RCN3: variants seen among roughly 807,000 people sequenced by gnomAD.
RCN3 encodes reticulocalbin-3.
Under a neutral mutation model 35.9 loss-of-function variants are expected in RCN3, and 41 were observed. That is an observed-to-expected ratio of 1.14 (90% CI 0.89 to 1.48). The LOEUF is 1.48. Ranked by LOEUF, RCN3 falls within the 40% of genes most tolerant of loss-of-function variation. The pLI, the probability that RCN3 is intolerant of heterozygous loss-of-function variation, is 0.00. For missense variants in RCN3, 451 were observed against 471.3 expected (o/e 0.96, Z 0.40); for synonymous variants, 187 against 193.4 (o/e 0.97, Z 0.27).
rs1195300744 is a variant in RCN3, at chr19:49,543,423, T to A, written c.*210T>A. 20 of 592,160 alleles carry A rather than the reference T, an allele frequency of 3.4e-5. No homozygotes were observed. The highest frequency in any genetic ancestry group is 9.0e-4 in the Middle Eastern group (2 of 2,214). The allele number at this position is 592,160 out of a possible 1,614,324, so 36.7% of individuals were successfully genotyped here. A position where few individuals can be genotyped will look rare whatever the true frequency, so the allele number is the denominator to read the frequency against. On this transcript the variant is annotated 3_prime_UTR_variant, in exon 7 of 7. Transcript: ENST00000270645. ...GAGGGGCTGTCATAGTCCCAGAGGA[T>A]AAGCAATACCTATTTCTGACTGAGT... is the stretch of plus-strand genomic sequence containing the variant.
In RCN3 at chr19:49,536,452, C is replaced by G. The variant is rs549364780; in HGVS notation, c.446-581C>G. On this transcript the variant is annotated intron_variant, in intron 3 of 6. Transcript: ENST00000270645. ...AGTAGCTAGGACTACAGGCGCCCAC[C>G]ACCATGCCAGGCAAATTTTTGTATT... 4.6e-5 allele frequency among the ~76,000 whole-genome samples: 7 copies of G among 151,284 alleles called. No individual in the cohort carries two copies. The South Asian group carries it at 1.0e-3, about 23-fold the overall frequency.
chr19:49,536,502 T>C (rs922167222), intron 3 of RCN3, among the ~76,000 whole-genome samples: 3 of 150,858 alleles, frequency 2.0e-5, no homozygotes, highest in Admixed American at 1.3e-4. Context: ...AGTTTCACCA[T>C]GTTGACCAGG....
intron 5 of RCN3, among the ~76,000 whole-genome samples, 187 bp downstream of exon 5, chr19:49,539,366 G>C (rs1014718789): frequency 6.6e-6 from 1 of 152,108 alleles, no homozygotes; most frequent in Admixed American, 6.6e-5. Context: ...CTCTATACCA[G>C]ACACAAAAAG....
chr19:49,537,105 G>A lies in RCN3; in HGVS notation c.518G>A (p.Arg173Gln), dbSNP rs759203235. 10 of 1,597,940 alleles carry A rather than the reference G, an allele frequency of 6.3e-6. No individual in the cohort carries two copies. The East Asian group carries it at 6.9e-5, about 11-fold the overall frequency. ...CTGGCTCGGGACGAGCGGCGTTTCC[G>A]GGTGGCCGACCAGGATGGGGACTCG... ...KMLARDERRF[R>Q]VADQDGDSMA... The change falls in exon 4 of 7, where the codon CGG (arginine) becomes CAG (glutamine). Residue 173 changes from arginine to glutamine, a missense_variant. Transcript: ENST00000270645.
At chr19:49,540,838 G>A (rs1489053547) in intron 5 of RCN3, among the ~76,000 whole-genome samples, 1 of 151,858 alleles carries the variant, frequency 6.6e-6, no homozygotes, top group African/African-American at 2.4e-5. Flanking sequence ...CCTGGATAGA[G>A]CCCAGAGATG....
At chr19:49,533,606 C>T (rs1182735211) in intron 2 of RCN3, among the ~76,000 whole-genome samples, 1 of 151,754 alleles carries the variant, frequency 6.6e-6, no homozygotes, top group African/African-American at 2.4e-5. Context: ...CAGGCAGTGC[C>T]TGATTCAGCC....
chr19:49,534,023 T>G (rs2080121757), intron 2 of RCN3, among the ~76,000 whole-genome samples, 170 bp from the exon 3 acceptor site: 1 of 152,066 alleles, frequency 6.6e-6, no homozygotes, highest in Non-Finnish European at 1.5e-5. Flanking sequence ...GGTAGGGTCC[T>G]CCGGTGGGCT....
chr19:49,531,553 G>A (rs1196439775), intron 2 of RCN3, among the ~76,000 whole-genome samples: 1 of 152,190 alleles, frequency 6.6e-6, no homozygotes, highest in Non-Finnish European at 1.5e-5. Context: ...GGAACAGACT[G>A]TAGGGAGCAA....
intron 5 of RCN3, 72 bp downstream of exon 5, chr19:49,539,251 C>T (rs767046977): frequency 9.9e-5 from 122 of 1,234,478 alleles, no homozygotes; most frequent in East Asian, 8.7e-4. Flanking sequence ...TGGGGGTAGC[C>T]GGAGGTACAT....
Position 49,543,503 on chromosome 19 carries a change from C to A in RCN3, c.*290C>A. ...CCCAAGCTCAGCTCTAAGAACCGCC[C>A]CAACCCCTCCAGCTCCAAATCTGAG... On this transcript the variant is annotated 3_prime_UTR_variant, in exon 7 of 7. Coordinates refer to ENST00000270645, the MANE Select transcript of RCN3 (RefSeq NM_020650.3). 2.5e-6 allele frequency: 1 copy of A among 400,518 alleles called. No homozygotes were observed. The highest frequency in any genetic ancestry group is 4.5e-6 in the Non-Finnish European group (1 of 221,604). The allele number at this position is 400,518 out of a possible 1,614,324, so 24.8% of individuals were successfully genotyped here. A position where few individuals can be genotyped will look rare whatever the true frequency, so the allele number is the denominator to read the frequency against.
intron 2 of RCN3, among the ~76,000 whole-genome samples, chr19:49,531,957 C>T (rs560272698): frequency 1.1e-4 from 16 of 150,910 alleles, no homozygotes; most frequent in Admixed American, 8.6e-4. Context: ...CCCACCACCA[C>T]GCCCAGCTAA....
At chr19:49,534,584 G>A (rs768356944) in intron 3 of RCN3, among the ~76,000 whole-genome samples, 189 bp downstream of exon 3, 1 of 151,812 alleles carries the variant, frequency 6.6e-6, no homozygotes, top group Non-Finnish European at 1.5e-5. Context: ...TTTGTTTTTC[G>A]TCTGCTTATT....
intron 3 of RCN3, 124 bp downstream of exon 3, chr19:49,534,519 C>G: frequency 1.1e-6 from 1 of 891,204 alleles, no homozygotes; most frequent in South Asian, 1.7e-5. Context: ...GCTCTACCCA[C>G]TTTTAGGAGC....
At chr19:49,535,861 A>AAATAT (rs1555811305) in intron 3 of RCN3, among the ~76,000 whole-genome samples, 4 of 142,746 alleles carry the variant, frequency 2.8e-5, no homozygotes, top group African/African-American at 1.1e-4. Context: ...AAAAAAAAAA[A>AAATAT]ATATATATAT....
intron 3 of RCN3, among the ~76,000 whole-genome samples, chr19:49,535,644 A>C (rs2080130081): frequency 6.6e-6 from 1 of 151,944 alleles, no homozygotes; most frequent in Non-Finnish European, 1.5e-5. Flanking sequence ...GTGAGATCAG[A>C]AGTTAGAGAC....
At chr19:49,532,670 G>A (rs373272098) in intron 2 of RCN3, among the ~76,000 whole-genome samples, 9 of 147,204 alleles carry the variant, frequency 6.1e-5, no homozygotes, top group African/African-American at 2.0e-4. Flanking sequence ...CACCGTGCCC[G>A]GCCTATTATT....
intron 4 of RCN3, among the ~76,000 whole-genome samples, chr19:49,538,093 G>A (rs925148265): frequency 1.3e-5 from 2 of 150,318 alleles, no homozygotes; most frequent in Non-Finnish European, 3.0e-5. Flanking sequence ...TTGGGCTCAA[G>A]TAATCCTCCC....
chr19:49,532,140 C>G, intron 2 of RCN3, among the ~76,000 whole-genome samples: 1 of 126,664 alleles, frequency 7.9e-6, no homozygotes, highest in Non-Finnish European at 1.6e-5. Context: ...GAGTCTCACT[C>G]TGTCATCCAG....
intron 3 of RCN3, among the ~76,000 whole-genome samples, chr19:49,536,544 A>G (rs1264540356): frequency 1.6e-5 from 2 of 128,308 alleles, no homozygotes; most frequent in South Asian, 2.6e-4. Context: ...CAGGCGATCC[A>G]CCCACCTCGG....
Sources: gnomAD v4.1 joint callset for allele counts (sites outside exome capture counted in the v4.1 genomes callset) on GRCh38, gnomAD v4.1.1 for gene constraint, MANE v1.5 for transcripts, NCBI Gene and HGNC (gene_info 2026-07-23, HGNC 2026-07-21) for gene names.